Variants in ADCY9 observed in about 807,000 individuals in gnomAD.
The protein encoded by ADCY9 is adenylate cyclase type 9.
A neutral mutation model predicts 101.5 loss-of-function variants in ADCY9; 50 were observed. The ratio of observed to expected loss-of-function variants is 0.49; its 90% CI spans 0.39 to 0.62. The LOEUF (loss-of-function observed/expected upper bound fraction) is 0.62, where lower values mean the gene tolerates loss of function less well. Ranked by LOEUF, ADCY9 falls within the 20% of genes least tolerant of loss-of-function variation. ADCY9 has a pLI of 0.00. For synonymous variants in ADCY9, 905 were observed against 769.3 expected (o/e 1.18, Z -2.92); for missense variants, 1,662 against 1,800.4 (o/e 0.92, Z 1.39).
rs1035567270 is a variant in ADCY9 at position 3,963,301 on chromosome 16, T to A, written c.*2474A>T. ...GCACGACCCATGCCGTCAGCAGCCC[T>A]CGTGCCAGCTGCTTAGAAACTCGTG... On this transcript the variant is annotated 3_prime_UTR_variant, in exon 11 of 11. Coordinates refer to ENST00000294016, the MANE Select transcript of ADCY9 (RefSeq NM_001116.4). 5.0e-6 allele frequency: 2 copies of A among 398,534 alleles called. No homozygotes were observed. Among genetic ancestry groups the A allele is most frequent in the African/African-American group, 4.1e-5 (2 of 48,486 alleles). The allele number at this position is 398,534 out of a possible 1,614,324, so 24.7% of individuals were successfully genotyped here.
rs915968908 is a variant in ADCY9, at chr16:3,965,894, G to T, written c.3943C>A (p.Pro1315Thr). 2 of 1,614,062 alleles carry T rather than the reference G, an allele frequency of 1.2e-6. No individual in the cohort carries two copies. Among genetic ancestry groups the T allele is most frequent in the Non-Finnish European group, 1.7e-6 (2 of 1,180,046 alleles). Reference protein sequence around the residue: ...HLSPKRPWKEPVKAEERGRFG... With the variant: ...HLSPKRPWKETVKAEERGRFG... ...CGACCCCTTTCTTCGGCTTTGACGG[G>T]CTCCTTCCACGGTCTCTTGGGGGAC... The change falls in exon 11 of 11, where the codon CCC becomes ACC. Residue 1315 changes from proline to threonine, a missense_variant. This residue lies in a region of ADCY9 where 168 missense variants were observed against 155.3 expected (regional missense o/e 1.08). Transcript: ENST00000294016.
chr16:4,101,498 C>G (rs1043676030), intron 2 of ADCY9, among the ~76,000 whole-genome samples: 1 of 152,032 alleles, frequency 6.6e-6, no homozygotes, highest in Non-Finnish European at 1.5e-5. Flanking sequence ...AGACTGGTCT[C>G]GAGCTCCTGG....
At chr16:4,052,385 T>C (rs2056707416) in intron 2 of ADCY9, among the ~76,000 whole-genome samples, 1 of 152,112 alleles carries the variant, frequency 6.6e-6, no homozygotes, top group African/African-American at 2.4e-5. Flanking sequence ...TCCTTGTTTT[T>C]AGGAAACCCA....
At chr16:4,001,820 G>A (rs1177537257) in intron 3 of ADCY9, among the ~76,000 whole-genome samples, 1 of 151,358 alleles carries the variant, frequency 6.6e-6, no homozygotes, top group African/African-American at 2.4e-5. Context: ...CATGATCTCA[G>A]CTCACTGCAA....
intron 2 of ADCY9, among the ~76,000 whole-genome samples, chr16:4,097,558 T>TATATATATACA (rs1460628544): frequency 1.1e-4 from 10 of 92,442 alleles, no homozygotes; most frequent in African/African-American, 5.3e-4. Context: ...TATATATTTT[T>TATATATATACA]TTTTTTTTTT....
intron 2 of ADCY9, among the ~76,000 whole-genome samples, chr16:4,037,136 G>T (rs761383822): frequency 2.0e-4 from 30 of 152,034 alleles, no homozygotes; most frequent in Non-Finnish European, 3.8e-4. Flanking sequence ...GGGCAACATA[G>T]TGAGACCCCA....
At chr16:4,062,629 A>G (rs531288144) in intron 2 of ADCY9, among the ~76,000 whole-genome samples, 30 of 152,262 alleles carry the variant, frequency 2.0e-4, no homozygotes, top group African/African-American at 7.0e-4. Context: ...ATAGTGAGCT[A>G]TGATTGTGCC....
At chr16:4,112,991 G>A (rs1240729306) in intron 2 of ADCY9, among the ~76,000 whole-genome samples, 1 of 152,084 alleles carries the variant, frequency 6.6e-6, no homozygotes, top group Admixed American at 6.5e-5. Flanking sequence ...CCAGGCACCA[G>A]ATCCAAACCT....
Position 4,086,919 on chromosome 16 carries a change from C to G in ADCY9, c.1693+26831G>C, listed in dbSNP as rs146628630. On this transcript the variant is annotated intron_variant, in intron 2 of 10. Coordinates refer to ENST00000294016, the MANE Select transcript of ADCY9 (RefSeq NM_001116.4). ...AGGTGATCCGCCCACCTAGGCCTCC[C>G]AGAGTGCTGGAATTACAGGCGTGAG... Among the ~76,000 whole-genome samples, 24 of 152,210 alleles carry G rather than the reference C, an allele frequency of 1.6e-4. 1 individual carries two copies. In the South Asian group the frequency reaches 4.6e-3, roughly 29 times the overall value.
At chr16:4,033,432 ATTTTT>A (rs71133683) in intron 2 of ADCY9, among the ~76,000 whole-genome samples, 10 of 125,928 alleles carry the variant, frequency 7.9e-5, no homozygotes, top group African/African-American at 2.3e-4. Flanking sequence ...CCTTGAAGTA[ATTTTT>A]TTTTTTTTTT....
At position 3,983,372 on chromosome 16, in the gene ADCY9, C is replaced by A. The variant is rs78611707; in HGVS notation, c.2379G>T (p.Leu793=). ...ACAGCGTCAGAAACACTGTGGTCGA[C>A]AGAAACACATCCAGGAGGGAGCTGA... is the stretch of plus-strand genomic sequence containing the variant. ...PTFSSLLDVF[L]STTVFLTLST... is the part of the protein sequence containing the mutation. The change falls in exon 7 of 11, where the codon CTG becomes CTT. Residue 793 remains leucine, a synonymous_variant. Transcript: ENST00000294016. 1,999 of 1,606,708 alleles carry A rather than the reference C, an allele frequency of 1.2e-3. 26 individuals carry two copies. The East Asian group carries it at 0.03, about 24-fold the overall frequency.
Position 4,115,777 on chromosome 16 carries a change from G to A in ADCY9, c.-131C>T. On this transcript the variant is annotated 5_prime_UTR_variant, in exon 1 of 11. Transcript: ENST00000294016. The surrounding 1 kb of genome is among the most constrained non-coding windows in gnomAD (Gnocchi z 6.2). ...GCCTTCCGCGCCTCTCGCCCCGAGG[G>A]TGGCCTCCGCGCCGCGCGGCTTCTC... 1 of 404,792 alleles carries A rather than the reference G, an allele frequency of 2.5e-6. No homozygotes were observed. Among genetic ancestry groups the A allele is most frequent in the Non-Finnish European group, 4.3e-6 (1 of 230,190 alleles). The allele number at this position is 404,792 out of a possible 1,614,324, so 25.1% of individuals were successfully genotyped here. A position where few individuals can be genotyped will look rare whatever the true frequency, so the allele number is the denominator to read the frequency against.
chr16:3,970,827 G>C (rs962249062), intron 10 of ADCY9, among the ~76,000 whole-genome samples: 11 of 152,210 alleles, frequency 7.2e-5, no homozygotes, highest in Non-Finnish European at 1.3e-4. Flanking sequence ...TCTTGGGTAA[G>C]CCATGCCATC....
At chr16:4,090,178 G>T (rs1460397843) in intron 2 of ADCY9, among the ~76,000 whole-genome samples, 6 of 152,092 alleles carry the variant, frequency 3.9e-5, no homozygotes. Flanking sequence ...CCCTGGAGCA[G>T]GCCCCCCACG....
At position 3,966,962 on chromosome 16, in the gene ADCY9, C is replaced by T. The variant is rs764775577; in HGVS notation, c.2875G>A (p.Glu959Lys). ...ACCGAACTATTGCACGGGTTCCTCT[C>T]GGAACTGGAGAGCAAAGACACGGGA... Reference protein sequence around the residue: ...PLDAVQNFSSERNPCNSSVPR... With the variant: ...PLDAVQNFSSKRNPCNSSVPR... Residue 959 changes from glutamate to lysine, a missense_variant, in exon 11 of 11, where the codon GAG (glutamate) becomes AAG (lysine). Glu to Lys is a moderately conservative substitution (Grantham distance 56, BLOSUM62 1). Around this residue, in one of 5 missense-constraint regions of ADCY9, gnomAD observed 624 missense variants for 639.1 expected, o/e 0.98. Transcript: ENST00000294016. The T allele has an allele frequency of 4.9e-5, 79 of 1,609,720 alleles. No individual in the cohort carries two copies. In the East Asian group the frequency reaches 5.1e-4, roughly 10 times the overall value.
intron 2 of ADCY9, among the ~76,000 whole-genome samples, chr16:4,059,379 G>A (rs75622914): frequency 2.8e-4 from 33 of 118,444 alleles, no homozygotes; most frequent in Admixed American, 6.6e-4. Flanking sequence ...AGAATCCATC[G>A]AAAAAAAAAA....
At chr16:4,062,429 A>G (rs1301268369) in intron 2 of ADCY9, among the ~76,000 whole-genome samples, 4 of 152,274 alleles carry the variant, frequency 2.6e-5, no homozygotes, top group Non-Finnish European at 5.9e-5. Flanking sequence ...TAAACACTCC[A>G]ATAAAAGGTG....
chr16:3,983,829 G>A (rs1051955167), intron 6 of ADCY9: 8 of 195,160 alleles, frequency 4.1e-5, no homozygotes, highest in South Asian at 2.2e-4. Flanking sequence ...GGAGGATGAC[G>A]CAGGAGGATT....
At chr16:4,020,896 T>C (rs2056472004) in intron 2 of ADCY9, among the ~76,000 whole-genome samples, 2 of 150,830 alleles carry the variant, frequency 1.3e-5, no homozygotes, top group Non-Finnish European at 2.9e-5. Context: ...TGTTTTAGAA[T>C]AAAGAAACAA....
Sources: allele counts gnomAD v4.1 joint callset (sites outside exome capture counted in the v4.1 genomes callset), GRCh38; gene constraint gnomAD v4.1.1; regional missense constraint gnomAD v4.1.1; non-coding constraint Gnocchi (gnomAD v3.1); transcripts MANE v1.5; gene names NCBI Gene and HGNC (gene_info 2026-07-23, HGNC 2026-07-21).